DAB1: variants seen among roughly 807,000 people sequenced by gnomAD.
DAB1 encodes DAB adaptor protein 1.
In DAB1, 15 loss-of-function variants were observed where a neutral mutation model predicts 64.6. The observed-to-expected ratio is 0.23, with a 90% CI of 0.16 to 0.36. The LOEUF (loss-of-function observed/expected upper bound fraction) is 0.36, where lower values mean the gene tolerates loss of function less well. DAB1 is among the 10% of genes least tolerant of loss of function. DAB1 has a pLI of 1.00. For missense variants in DAB1, 596 were observed against 706.7 expected (o/e 0.84, Z 1.78); for synonymous variants, 235 against 251.9 (o/e 0.93, Z 0.64).
intron 3 of DAB1, among the ~76,000 whole-genome samples, chr1:58,461,669 G>C (rs1323292029): frequency 6.6e-6 from 1 of 152,192 alleles, no homozygotes; most frequent in Admixed American, 6.5e-5. Context: ...AGCAAGTGTG[G>C]AGATGAACAA....
chr1:58,421,351 G>A (rs1221556230), intron 3 of DAB1, among the ~76,000 whole-genome samples: 1 of 152,126 alleles, frequency 6.6e-6, no homozygotes, highest in Non-Finnish European at 1.5e-5. Context: ...TTACATATTT[G>A]TAGTTAAGTA....
intron 9 of DAB1, among the ~76,000 whole-genome samples, chr1:57,049,306 C>T (rs898732565): frequency 2.6e-5 from 4 of 151,450 alleles, no homozygotes; most frequent in African/African-American, 9.7e-5. Context: ...AAAAAATTAG[C>T]TGGGCATGGT....
At chr1:58,439,473 T>G (rs1488173340) in intron 3 of DAB1, among the ~76,000 whole-genome samples, 2 of 152,242 alleles carry the variant, frequency 1.3e-5, no homozygotes, top group African/African-American at 4.8e-5. Context: ...CCCTAGATTC[T>G]GAGCTTTTTG....
intron 5 of DAB1, among the ~76,000 whole-genome samples, chr1:57,949,681 C>A (rs1645242700): frequency 6.6e-6 from 1 of 152,120 alleles, no homozygotes; most frequent in Admixed American, 6.5e-5. Context: ...TTTCTCTTCT[C>A]ACCCAACATT....
Position 57,254,758 on chromosome 1 carries a change from C to T in DAB1, c.67+36206G>A, listed in dbSNP as rs370811267. Among the ~76,000 whole-genome samples the T allele has an allele frequency of 6.1e-4, 93 of 152,038 alleles. 1 individual carries two copies. In the South Asian group the frequency reaches 0.017, roughly 28 times the overall value. ...TAAATACAAGGATGAAAACAAAATGCATGCTTAATATAAAAAAAAGGTATA... is the reference window on the plus strand; with the variant it reads ...TAAATACAAGGATGAAAACAAAATGTATGCTTAATATAAAAAAAAGGTATA... On this transcript the variant is annotated intron_variant, in intron 2 of 14. Coordinates refer to ENST00000371236, the MANE Select transcript of DAB1 (RefSeq NM_001365792.1).
chr1:57,063,419 C>T (rs1650600892), intron 8 of DAB1, among the ~76,000 whole-genome samples: 1 of 152,130 alleles, frequency 6.6e-6, no homozygotes. Flanking sequence ...ACAGCTTCTA[C>T]TGGGATCAGA....
At chr1:57,562,152 T>C (rs1253729558) in intron 7 of DAB1, among the ~76,000 whole-genome samples, 3 of 152,162 alleles carry the variant, frequency 2.0e-5, no homozygotes, top group African/African-American at 7.2e-5. Context: ...GCAGGTGGAC[T>C]ACCTGAGTTC....
intron 5 of DAB1, among the ~76,000 whole-genome samples, chr1:58,104,642 C>T (rs907457786): frequency 2.6e-5 from 4 of 152,276 alleles, no homozygotes; most frequent in Non-Finnish European, 5.9e-5. Flanking sequence ...TTCCTTTAAC[C>T]TATTTATTTA....
intron 4 of DAB1, among the ~76,000 whole-genome samples, chr1:58,161,457 C>T (rs759096257): frequency 2.0e-5 from 3 of 152,114 alleles, no homozygotes; most frequent in Non-Finnish European, 2.9e-5. Context: ...TTTGGAAGAA[C>T]AAAGTGTTTT....
chr1:56,998,307 T>G (rs1332029940), intron 14 of DAB1, among the ~76,000 whole-genome samples, 179 bp from the exon 15 acceptor site: 1 of 152,226 alleles, frequency 6.6e-6, no homozygotes, highest in Non-Finnish European at 1.5e-5. Flanking sequence ...ATTTTTATTA[T>G]CCAAAATAGC....
Position 58,342,523 on chromosome 1 carries a change from T to C in DAB1, n.309+829A>G, listed in dbSNP as rs17117363. On this transcript the variant is annotated intron_variant and non_coding_transcript_variant, in intron 4 of 20. Coordinates refer to the DAB1 transcript ENST00000485760. ...TATTATCCATTCAGTGTTCATTATA[T>C]ATCATCCTTTCTTCTGAACTCCAAG... 6.9e-3 allele frequency among the ~76,000 whole-genome samples: 1,052 copies of C among 152,324 alleles called. 10 individuals are homozygous for C. Among genetic ancestry groups the C allele is most frequent in the Middle Eastern group, 0.061 (18 of 294 alleles).
upstream of DAB1, among the ~76,000 whole-genome samples, chr1:57,424,843 C>G (rs1335974159): frequency 2.0e-5 from 3 of 152,108 alleles, no homozygotes; most frequent in East Asian, 3.9e-4. Flanking sequence ...GACCCGTGCC[C>G]CTGAGAGCAC....
chr1:57,679,813 C>T (rs183533842), intron 6 of DAB1, among the ~76,000 whole-genome samples: 20 of 152,290 alleles, frequency 1.3e-4, no homozygotes, highest in African/African-American at 4.1e-4. Context: ...CCTACTCCTT[C>T]GCTTTTCAAG....
intron 4 of DAB1, among the ~76,000 whole-genome samples, chr1:58,341,335 GCTTCTCCAAAATTGA>G (rs1231607278): frequency 6.6e-6 from 1 of 152,132 alleles, no homozygotes. Flanking sequence ...AAAGTCGCAT[GCTTCTCCAAAATTGA>G]CACCTACTTA....
chr1:58,417,415 G>A (rs868842527), intron 3 of DAB1, among the ~76,000 whole-genome samples: 1 of 152,190 alleles, frequency 6.6e-6, no homozygotes, highest in Non-Finnish European at 1.5e-5. Context: ...CACCCCAAAT[G>A]CCAAGGGAAG....
At chr1:58,068,782 CAAAAAAAAAAAAG>C (rs1649037363) in intron 5 of DAB1, among the ~76,000 whole-genome samples, 1 of 133,290 alleles carries the variant, frequency 7.5e-6, no homozygotes, top group South Asian at 2.4e-4. Context: ...AAAAAAAAAC[CAAAAAAAAAAAAG>C]AAAGCATCAT....
intron 2 of DAB1, among the ~76,000 whole-genome samples, chr1:57,255,655 G>A (rs1669707206): frequency 1.3e-5 from 2 of 152,002 alleles, no homozygotes; most frequent in Non-Finnish European, 2.9e-5. Context: ...AGAGACCCAG[G>A]TTCAAAAAAT....
At chr1:58,134,618 G>A (rs1485875868) in intron 5 of DAB1, among the ~76,000 whole-genome samples, 1 of 152,210 alleles carries the variant, frequency 6.6e-6, no homozygotes, top group African/African-American at 2.4e-5. Flanking sequence ...GAAGGTAAAG[G>A]AGAAGCAGGC....
chr1:58,307,622 T>C (rs952797794), intron 4 of DAB1, among the ~76,000 whole-genome samples: 1 of 152,102 alleles, frequency 6.6e-6, no homozygotes, highest in African/African-American at 2.4e-5. Context: ...GTAGTCCCTG[T>C]CTCAGGCCAG....
Sources: allele counts gnomAD v4.1 joint callset (sites outside exome capture counted in the v4.1 genomes callset), GRCh38; gene constraint gnomAD v4.1.1; transcripts MANE v1.5; gene names NCBI Gene and HGNC (gene_info 2026-07-23, HGNC 2026-07-21).